The following FAHD1 variants were observed in gnomAD, a reference collection of about 807,000 sequenced individuals.
FAHD1 encodes the protein FAH domain containing oxaloacetate decarboxylase 1.
FAHD1 carries 14 observed loss-of-function variants against 12.7 expected under a neutral mutation model. That is an observed-to-expected ratio of 1.10 (90% CI 0.73 to 1.72). The LOEUF (loss-of-function observed/expected upper bound fraction) is 1.72, where lower values mean the gene tolerates loss of function less well. Ranked by LOEUF, FAHD1 falls within the 40% of genes most tolerant of loss-of-function variation. The pLI is 0.00. For synonymous variants in FAHD1, 153 were observed against 124.9 expected (o/e 1.22, Z -1.50); for missense variants, 351 against 298.9 (o/e 1.17, Z -1.29).
intron 2 of FAHD1, among the ~76,000 whole-genome samples, chr16:1,838,821 A>G (rs1381097146): frequency 2.6e-5 from 4 of 152,084 alleles, no homozygotes; most frequent in African/African-American, 4.8e-5. Context: ...CCTCCTGAGT[A>G]GCTAGGATTA....
chr16:1,827,731 T>G (rs1304117582), exon 1 of FAHD1: 1 of 1,614,144 alleles, frequency 6.2e-7, no homozygotes, highest in Non-Finnish European at 8.5e-7. Flanking sequence ...CATGATTTTT[T>G]CCATCCCCTA....
exon 1 of FAHD1, chr16:1,827,989 A>T (rs1205287210): frequency 2.1e-5 from 33 of 1,538,340 alleles, no homozygotes; most frequent in Admixed American, 1.6e-4. Flanking sequence ...TTTAATTAGA[A>T]ACCATTTATT....
intron 1 of FAHD1, among the ~76,000 whole-genome samples, chr16:1,835,491 T>C (rs1898718567): frequency 6.6e-6 from 1 of 152,146 alleles, no homozygotes; most frequent in South Asian, 2.1e-4. Context: ...ACCACTTTAA[T>C]TTCAAGACTG....
Position 1,828,859 on chromosome 16 carries a change from C to T in FAHD1, c.*955C>T, listed in dbSNP as rs1195325181. ...TACCCAGACCCATCGATTCTGAGTT[C>T]GGGAGATGATTTTGAAATTACTGTT... is the stretch of plus-strand genomic sequence containing the variant. On this transcript the variant is annotated 3_prime_UTR_variant, in exon 1 of 1. Coordinates refer to ENST00000427358, the Ensembl canonical transcript of FAHD1. 8 of 999,702 alleles carry T rather than the reference C, an allele frequency of 8.0e-6. No individual in the cohort carries two copies. The African/African-American group carries it at 1.4e-4, about 17-fold the overall frequency. 61.9% of individuals were successfully genotyped at this position (999,702 alleles called of 1,614,324 possible).
At position 1,827,425 on chromosome 16, in the gene FAHD1, C is replaced by G. The variant is rs773629886; in HGVS notation, c.187C>G (p.Arg63Gly). 5 of 1,610,346 alleles carry G rather than the reference C, an allele frequency of 3.1e-6. No homozygotes were observed. In the African/African-American group the frequency reaches 4.0e-5, roughly 13 times the overall value. Residue 63 changes from arginine to glycine, a missense_variant, in exon 1 of 1, where the codon CGC (arginine) becomes GGC (glycine). Coordinates refer to ENST00000427358, the Ensembl canonical transcript of FAHD1. ...GCCCATCCTCATGCCCGCGTACACT[C>G]GCAACCTGCACCACGAGCTGGAGCT...
intron 1 of FAHD1, among the ~76,000 whole-genome samples, chr16:1,835,916 G>C (rs951639681): frequency 6.6e-6 from 1 of 150,568 alleles, no homozygotes; most frequent in Non-Finnish European, 1.5e-5. Context: ...CTGGAGTGCA[G>C]TGGTGAGATC....
At chr16:1,838,090 G>T in exon 2 of FAHD1, 1 of 776,946 alleles carries the variant, frequency 1.3e-6, no homozygotes, top group Middle Eastern at 2.4e-4. Flanking sequence ...TCGAACTCCC[G>T]GGGTCAAGCA....
exon 1 of FAHD1, chr16:1,827,683 G>T: frequency 1.2e-6 from 2 of 1,614,126 alleles, no homozygotes; most frequent in Non-Finnish European, 1.7e-6. Context: ...CTGGCTCAAG[G>T]TCAACGGCGA....
intron 1 of FAHD1, among the ~76,000 whole-genome samples, chr16:1,836,407 T>A (rs1898750197): frequency 6.6e-6 from 1 of 152,166 alleles, no homozygotes; most frequent in Admixed American, 6.5e-5. Context: ...CTTAAGTTGA[T>A]CAGACTCATT....
At chr16:1,828,978 T>C (rs1430344044), downstream of FAHD1, 1 of 947,462 alleles carries the variant, frequency 1.1e-6, no homozygotes, top group Non-Finnish European at 1.3e-6. Context: ...CTTGTGGGGC[T>C]TCAGACCTTA....
exon 1 of FAHD1, chr16:1,827,442 G>C: frequency 6.2e-7 from 1 of 1,610,708 alleles, no homozygotes; most frequent in Non-Finnish European, 8.5e-7. Flanking sequence ...TGCACCACGA[G>C]CTGGAGCTGG....
exon 3 of FAHD1, chr16:1,839,567 T>C (rs1898844495): frequency 1.3e-6 from 1 of 789,326 alleles, no homozygotes; most frequent in African/African-American, 1.8e-5. Flanking sequence ...TTCAGTGCTA[T>C]GCGGTCTACA....
exon 1 of FAHD1, chr16:1,827,725 A>G: frequency 1.2e-6 from 2 of 1,614,058 alleles, no homozygotes; most frequent in South Asian, 1.1e-5. Flanking sequence ...ATCCTCCATG[A>G]TTTTTTCCAT....
In FAHD1 at chr16:1,827,590, CT is replaced by C. The variant is rs752659525; in HGVS notation, c.353del (p.Leu118ArgfsTer26). On this transcript the variant is annotated frameshift_variant, in exon 1 of 1. Coordinates refer to ENST00000427358, the Ensembl canonical transcript of FAHD1. LOFTEE classifies it high-confidence loss of function. ...CAAGAAGAAGGGGCTGCCCTGGACT[CT>C]GGCGAAGAGCTTCACGGCGTCCTGC... The C allele has an allele frequency of 2.4e-5, 39 of 1,613,598 alleles. No individual in the cohort carries two copies. The highest frequency in any genetic ancestry group is 3.2e-5 in the Non-Finnish European group (38 of 1,180,032).
At chr16:1,833,593 G>GAGA (rs756301986), downstream of FAHD1, among the ~76,000 whole-genome samples, 1 of 130,548 alleles carries the variant, frequency 7.7e-6, no homozygotes, top group African/African-American at 3.0e-5. Context: ...ACAGAGTCTC[G>GAGA]CTCTGTCGCC....
downstream of FAHD1, among the ~76,000 whole-genome samples, chr16:1,829,498 G>A (rs1319399332): frequency 1.3e-5 from 2 of 152,130 alleles, no homozygotes; most frequent in Non-Finnish European, 2.9e-5. Context: ...AGAACGTGAA[G>A]TTTTGACCAC....
chr16:1,830,945 C>CACACACACACA (rs1555470125), downstream of FAHD1, among the ~76,000 whole-genome samples: 2 of 19,422 alleles, frequency 1.0e-4, no homozygotes, highest in Non-Finnish European at 2.4e-4. Context: ...CACACACACA[C>CACACACACACA]CCATATTTTG....
At chr16:1,832,677 G>T (rs544885316), downstream of FAHD1, among the ~76,000 whole-genome samples, 5 of 152,074 alleles carry the variant, frequency 3.3e-5, no homozygotes, top group East Asian at 9.7e-4. Flanking sequence ...TCCTGGACAC[G>T]GGGCTCAGTG....
rs1459586713 is a variant in FAHD1 at position 1,828,452 on chromosome 16, A to G, written c.*548A>G. ...TTTTATCAAACCAAATGTTAAAAAGACTTTCCTTTTGTAAAACTGGATTAG... is the reference window on the plus strand; with the variant it reads ...TTTTATCAAACCAAATGTTAAAAAGGCTTTCCTTTTGTAAAACTGGATTAG... On this transcript the variant is annotated 3_prime_UTR_variant, in exon 1 of 1. Coordinates refer to ENST00000427358, the Ensembl canonical transcript of FAHD1. 5 of 1,000,828 alleles carry G rather than the reference A, an allele frequency of 5.0e-6. No homozygotes were observed. The East Asian group carries it at 3.4e-4, about 68-fold the overall frequency. 62.0% of individuals were successfully genotyped at this position (1,000,828 alleles called of 1,614,324 possible). A position where few individuals can be genotyped will look rare whatever the true frequency, so the allele number is the denominator to read the frequency against.
Sources: allele counts gnomAD v4.1 joint callset (sites outside exome capture counted in the v4.1 genomes callset), GRCh38; gene constraint gnomAD v4.1.1; transcripts MANE v1.5; gene names NCBI Gene and HGNC (gene_info 2026-07-23, HGNC 2026-07-21).